TSNARE1: variants seen among roughly 807,000 people sequenced by gnomAD.
TSNARE1 encodes t-SNARE domain-containing protein 1.
A neutral mutation model predicts 62.0 loss-of-function variants in TSNARE1; 49 were observed. The ratio of observed to expected loss-of-function variants is 0.79; its 90% CI spans 0.63 to 1.00. The LOEUF (loss-of-function observed/expected upper bound fraction) is 1.00, where lower values mean the gene tolerates loss of function less well. Ranked by LOEUF, TSNARE1 falls within the 50% of genes least tolerant of loss-of-function variation. The probability of loss-of-function intolerance (pLI) is 0.00; values close to 1 mark genes in which losing one functional copy is unlikely to be tolerated. For missense variants in TSNARE1, 755 were observed against 700.1 expected, an observed-to-expected ratio of 1.08 and a Z score of -0.88; for synonymous variants, 328 against 294.4, an observed-to-expected ratio of 1.11 and a Z score of -1.17.
chr8:142,339,443 C>G (rs747633400), intron 4 of TSNARE1, among the ~76,000 whole-genome samples: 1 of 152,004 alleles, frequency 6.6e-6, no homozygotes, highest in South Asian at 2.1e-4. Context: ...GAAGCCAGGG[C>G]GGGCAGGCAG....
chr8:142,280,876 T>C (rs1478094828), intron 11 of TSNARE1, among the ~76,000 whole-genome samples: 1 of 152,044 alleles, frequency 6.6e-6, no homozygotes, highest in Non-Finnish European at 1.5e-5. Flanking sequence ...GCAGGCCCTG[T>C]ATGGGGCCAC....
chr8:142,359,375 C>T (rs1184737823), intron 1 of TSNARE1, among the ~76,000 whole-genome samples: 3 of 152,224 alleles, frequency 2.0e-5, no homozygotes, highest in Non-Finnish European at 2.9e-5. Flanking sequence ...ATCATCACCC[C>T]AGCCCTGCCC....
At chr8:142,292,417 A>T (rs973524991) in intron 10 of TSNARE1, among the ~76,000 whole-genome samples, 9 of 152,162 alleles carry the variant, frequency 5.9e-5, no homozygotes, top group African/African-American at 2.2e-4. Flanking sequence ...GCATGACTGC[A>T]ATGTGCTTGC....
Position 142,300,517 on chromosome 8 carries a change from C to T in TSNARE1, c.1259G>A (p.Arg420Gln), listed in dbSNP as rs964535226. 35 of 1,608,956 alleles carry T rather than the reference C, an allele frequency of 2.2e-5. No homozygotes were observed. The highest frequency in any genetic ancestry group is 1.6e-4 in the African/African-American group (12 of 74,914). ...DITEEDLEAIRLREEAILQME... is the reference protein window; with the variant it reads ...DITEEDLEAIQLREEAILQME... ...CTGCAGGATGGCCTCCTCCCGCAGC[C>T]GGATGGCCTCCAGGTCCTCTTCAGT... The change falls in exon 10 of 14, where the codon CGG becomes CAG. Residue 420 changes from arginine (R) to glutamine (Q), a missense_variant. Coordinates refer to ENST00000524325, the MANE Select transcript of TSNARE1 (RefSeq NM_145003.5).
chr8:142,234,818 G>T lies in TSNARE1; in HGVS notation c.1447-5239C>A, dbSNP rs868587426. Among the ~76,000 whole-genome samples the T allele has an allele frequency of 3.0e-4, 45 of 152,006 alleles. 1 individual carries two copies. The highest frequency in any genetic ancestry group is 3.2e-3 in the Middle Eastern group (1 of 314). On this transcript the variant is annotated intron_variant, in intron 12 of 13. Transcript: ENST00000524325. ...CAAGCCTAGAGAGGGCTACACATCT[G>T]GGGAGGCTCACCCTGGCTCCACCTC... is the stretch of plus-strand genomic sequence containing the variant.
intron 10 of TSNARE1, among the ~76,000 whole-genome samples, chr8:142,298,128 T>G (rs1825076791): frequency 1.3e-5 from 2 of 152,210 alleles, no homozygotes; most frequent in Admixed American, 1.3e-4. Context: ...TCCTCTGGTC[T>G]AGATGCAAGC....
chr8:142,400,147 C>A (rs529093872), intron 1 of TSNARE1, among the ~76,000 whole-genome samples: 1 of 151,314 alleles, frequency 6.6e-6, no homozygotes, highest in East Asian at 2.0e-4. Context: ...TCTAGCCTGG[C>A]CAAAAAGAAG....
intron 10 of TSNARE1, among the ~76,000 whole-genome samples, chr8:142,294,174 G>A (rs1299174339): frequency 6.6e-6 from 1 of 152,078 alleles, no homozygotes; most frequent in Non-Finnish European, 1.5e-5. Context: ...GAAGGTGGAG[G>A]GCGGTGTGAG....
At chr8:142,356,632 C>G (rs987512449) in intron 1 of TSNARE1, among the ~76,000 whole-genome samples, 2 of 152,214 alleles carry the variant, frequency 1.3e-5, no homozygotes, top group East Asian at 1.9e-4. Flanking sequence ...TAACACGTAA[C>G]AGCATAGCAG....
chr8:142,399,320 T>TCCC (rs1379744502), intron 1 of TSNARE1, among the ~76,000 whole-genome samples: 1 of 152,226 alleles, frequency 6.6e-6, no homozygotes, highest in East Asian at 1.9e-4. Context: ...CTTCAGCAAA[T>TCCC]CCCCATCGGG....
Position 142,344,045 on chromosome 8 carries a change from C to A in TSNARE1, c.666G>T (p.Thr222=). The change falls in exon 4 of 14, where the codon ACG becomes ACT. Residue 222 remains threonine (T), a synonymous_variant. Coordinates refer to ENST00000524325, the MANE Select transcript of TSNARE1 (RefSeq NM_145003.5). The part of the protein sequence containing the change: ...GSGKPQALAL[T]PVEQVVAKTF... ...TCTTGGCCACCACCTGCTCCACGGG[C>A]GTGAGAGCCAGGGCCTGGGGCTTGC... is the stretch of plus-strand genomic sequence containing the variant. 1 of 1,590,058 alleles carries A rather than the reference C, an allele frequency of 6.3e-7. No homozygotes were observed. The highest frequency in any genetic ancestry group is 8.6e-7 in the Non-Finnish European group (1 of 1,166,100).
intron 11 of TSNARE1, among the ~76,000 whole-genome samples, chr8:142,282,426 G>A (rs1280099599): frequency 6.7e-6 from 1 of 149,880 alleles, no homozygotes; most frequent in East Asian, 1.9e-4. Context: ...GTCTATTAAT[G>A]AGCGGAGCAG....
chr8:142,377,560 C>A (rs1204419171), intron 1 of TSNARE1, among the ~76,000 whole-genome samples: 1 of 152,232 alleles, frequency 6.6e-6, no homozygotes, highest in African/African-American at 2.4e-5. Context: ...GCCCCAGCAG[C>A]ATGACAAATA....
At chr8:142,374,987 T>C (rs938862552) in intron 1 of TSNARE1, among the ~76,000 whole-genome samples, 3 of 152,140 alleles carry the variant, frequency 2.0e-5, no homozygotes, top group African/African-American at 7.2e-5. Context: ...CCTGTCCCCT[T>C]TCCCCAGGGA....
At position 142,252,473 on chromosome 8, in the gene TSNARE1, C is replaced by T. The variant is rs115047465; in HGVS notation, c.1446+22308G>A. 7.2e-3 allele frequency among the ~76,000 whole-genome samples: 1,092 copies of T among 152,298 alleles called. 18 individuals carry two copies. The highest frequency in any genetic ancestry group is 0.027 in the Middle Eastern group (8 of 294). ...GCCCTGAGGTTTGAGGTGGTGCTGC[C>T]GGCGACAGTGGTCAGGGGAAGAAGC... On this transcript the variant is annotated intron_variant, in intron 12 of 13. Coordinates refer to ENST00000524325, the MANE Select transcript of TSNARE1 (RefSeq NM_145003.5).
At chr8:142,323,740 G>C (rs1829820537) in intron 6 of TSNARE1, among the ~76,000 whole-genome samples, 1 of 152,224 alleles carries the variant, frequency 6.6e-6, no homozygotes, top group Non-Finnish European at 1.5e-5. Flanking sequence ...AAAATGGACT[G>C]ATGATGTCAG....
rs114479763 is a variant in TSNARE1, at chr8:142,382,295, C to A, written c.-40+20809G>T. Among the ~76,000 whole-genome samples, 602 of 152,322 alleles carry A rather than the reference C, an allele frequency of 4.0e-3. 4 individuals carry two copies. Among genetic ancestry groups the A allele is most frequent in the African/African-American group, 0.013 (558 of 41,580 alleles). ...ACCCCCAGGCACCTCGTAGACCACGCCCAGAATCAGCGGTGGAGAAGCACC... is the reference window on the plus strand; with the variant it reads ...ACCCCCAGGCACCTCGTAGACCACGACCAGAATCAGCGGTGGAGAAGCACC... On this transcript the variant is annotated intron_variant, in intron 1 of 13. Transcript: ENST00000524325.
At chr8:142,302,362 G>A (rs970669419) in intron 9 of TSNARE1, among the ~76,000 whole-genome samples, 3 of 151,684 alleles carry the variant, frequency 2.0e-5, no homozygotes, top group East Asian at 1.9e-4. Context: ...GTGTCACCAC[G>A]TCTGGACAGG....
intron 10 of TSNARE1, among the ~76,000 whole-genome samples, chr8:142,288,534 C>T (rs1261782775): frequency 7.9e-5 from 12 of 152,348 alleles, no homozygotes; most frequent in African/African-American, 2.9e-4. Flanking sequence ...CCTCCAAGGC[C>T]CCGGGTCCTC....
Sources: gnomAD v4.1 joint callset for allele counts (sites outside exome capture counted in the v4.1 genomes callset) on GRCh38, gnomAD v4.1.1 for gene constraint, MANE v1.5 for transcripts, NCBI Gene and HGNC (gene_info 2026-07-23, HGNC 2026-07-21) for gene names.